Variants in RALYL observed in about 807,000 individuals in gnomAD.
RALYL encodes the protein RNA-binding Raly-like protein.
A neutral mutation model predicts 35.1 loss-of-function variants in RALYL; 29 were observed. That is an observed-to-expected ratio of 0.83 (90% confidence interval 0.61 to 1.13). RALYL has a LOEUF of 1.13. Ranked by LOEUF, RALYL falls within the 50% of genes most tolerant of loss-of-function variation. The probability of loss-of-function intolerance (pLI) is 0.00; values close to 1 mark genes in which losing one functional copy is unlikely to be tolerated. For synonymous variants in RALYL, 120 were observed against 127.6 expected, an observed-to-expected ratio of 0.94 and a Z score of 0.40; for missense variants, 359 against 360.4, an observed-to-expected ratio of 1.00 and a Z score of 0.03.
intron 4 of RALYL, among the ~76,000 whole-genome samples, chr8:84,828,235 G>T (rs1428962766): frequency 6.6e-6 from 1 of 152,052 alleles, no homozygotes; most frequent in African/African-American, 2.4e-5. Context: ...AAAATAAGCA[G>T]CACAGATAGC....
At chr8:84,344,684 C>T (rs1443984686) in intron 1 of RALYL, among the ~76,000 whole-genome samples, 2 of 152,012 alleles carry the variant, frequency 1.3e-5, no homozygotes, top group East Asian at 1.9e-4. Context: ...CAACTTTCCA[C>T]CCTTTGATAA....
chr8:84,486,057 G>A (rs1451420282), intron 1 of RALYL, among the ~76,000 whole-genome samples: 2 of 133,594 alleles, frequency 1.5e-5, no homozygotes, highest in Non-Finnish European at 3.1e-5. Flanking sequence ...TTAGACAGTA[G>A]CCTACAAGGC....
At chr8:84,493,691 T>C (rs952966195) in intron 1 of RALYL, among the ~76,000 whole-genome samples, 2 of 152,212 alleles carry the variant, frequency 1.3e-5, no homozygotes, top group African/African-American at 4.8e-5. Flanking sequence ...CATATGTTTT[T>C]CATATGTTTG....
intron 1 of RALYL, among the ~76,000 whole-genome samples, chr8:84,512,831 G>T (rs1295542790): frequency 6.6e-6 from 1 of 152,058 alleles, no homozygotes; most frequent in Non-Finnish European, 1.5e-5. Context: ...AAAGTCAATT[G>T]GCTATAAATA....
At chr8:84,669,250 C>G (rs1832707736) in intron 2 of RALYL, among the ~76,000 whole-genome samples, 2 of 152,110 alleles carry the variant, frequency 1.3e-5, no homozygotes, top group Admixed American at 1.3e-4. Context: ...GCAGTCATCC[C>G]TTTTCACTAA....
chr8:84,407,881 T>C (rs905763806), intron 1 of RALYL, among the ~76,000 whole-genome samples: 1 of 152,074 alleles, frequency 6.6e-6, no homozygotes, highest in African/African-American at 2.4e-5. Flanking sequence ...AACACTCTAA[T>C]TATCATTATA....
chr8:84,272,017 A>G (rs1329611320), intron 1 of RALYL, among the ~76,000 whole-genome samples: 1 of 152,188 alleles, frequency 6.6e-6, no homozygotes, highest in African/African-American at 2.4e-5. Context: ...GGCTACCACC[A>G]TAATGAGATT....
intron 2 of RALYL, among the ~76,000 whole-genome samples, chr8:84,689,784 A>G (rs1837631913): frequency 6.6e-6 from 1 of 152,166 alleles, no homozygotes; most frequent in Non-Finnish European, 1.5e-5. Flanking sequence ...CTGGTGTGAG[A>G]TGATATCTCA....
intron 1 of RALYL, among the ~76,000 whole-genome samples, chr8:84,403,303 T>TA (rs199942842): frequency 0.029 from 4,489 of 152,188 alleles, 218 homozygotes; most frequent in African/African-American, 0.1. Flanking sequence ...GTATTACATT[T>TA]AATCTTTAAT....
At chr8:84,715,646 A>C (rs1842850730) in intron 2 of RALYL, among the ~76,000 whole-genome samples, 1 of 152,044 alleles carries the variant, frequency 6.6e-6, no homozygotes, top group African/African-American at 2.4e-5. Flanking sequence ...AGGTTTCCAG[A>C]ACTTAGAATA....
intron 2 of RALYL, among the ~76,000 whole-genome samples, chr8:84,651,741 A>G (rs1296049383): frequency 2.6e-5 from 4 of 152,060 alleles, no homozygotes. Context: ...GACTTTTGAG[A>G]GAAAGTTGAG....
chr8:84,716,282 GTTTGT>G (rs1842933659), intron 2 of RALYL, among the ~76,000 whole-genome samples: 1 of 151,886 alleles, frequency 6.6e-6, no homozygotes, highest in Non-Finnish European at 1.5e-5. Flanking sequence ...TTCAACTCAC[GTTTGT>G]TTTAAGACAA....
chr8:84,817,901 C>T (rs1465497455), intron 4 of RALYL, among the ~76,000 whole-genome samples: 7 of 152,180 alleles, frequency 4.6e-5, no homozygotes, highest in African/African-American at 1.7e-4. Context: ...TACTTAGTGT[C>T]TGACACATCG....
chr8:84,775,761 A>G (rs1203503213), intron 3 of RALYL, among the ~76,000 whole-genome samples: 2 of 152,238 alleles, frequency 1.3e-5, no homozygotes, highest in Non-Finnish European at 2.9e-5. Context: ...TTTGGGGAAG[A>G]GTACAAGAGT....
chr8:84,493,442 A>G (rs28787389), intron 1 of RALYL, among the ~76,000 whole-genome samples: 5,971 of 152,150 alleles, frequency 0.039, 233 homozygotes, highest in African/African-American at 0.098. Context: ...AGTAATGGGA[A>G]TGCTGGGTCA....
intron 1 of RALYL, among the ~76,000 whole-genome samples, chr8:84,450,363 A>G (rs1417021738): frequency 1.3e-5 from 2 of 151,912 alleles, no homozygotes; most frequent in African/African-American, 4.8e-5. Flanking sequence ...TGATGCACTC[A>G]ATATAGCAGT....
At chr8:84,752,651 C>G (rs568270957) in intron 2 of RALYL, among the ~76,000 whole-genome samples, 1 of 152,264 alleles carries the variant, frequency 6.6e-6, no homozygotes, top group East Asian at 1.9e-4. Flanking sequence ...GAACACTGCT[C>G]CCTGCTTCCC....
At chr8:84,649,890 A>G (rs1048625035) in intron 2 of RALYL, among the ~76,000 whole-genome samples, 3 of 151,994 alleles carry the variant, frequency 2.0e-5, no homozygotes, top group African/African-American at 7.3e-5. Context: ...CATTTTCATG[A>G]TATTGATTCT....
At chr8:84,633,900 C>A (rs1824467315) in intron 2 of RALYL, among the ~76,000 whole-genome samples, 1 of 151,804 alleles carries the variant, frequency 6.6e-6, no homozygotes, top group African/African-American at 2.4e-5. Flanking sequence ...GGAAAAGATA[C>A]TTAATTTTTC....
Sources: allele counts gnomAD v4.1 joint callset (sites outside exome capture counted in the v4.1 genomes callset), GRCh38; gene constraint gnomAD v4.1.1; transcripts MANE v1.5; gene names NCBI Gene and HGNC (gene_info 2026-07-23, HGNC 2026-07-21).